The following RUVBL1 variants were observed in gnomAD, a reference collection of about 807,000 sequenced individuals.
RUVBL1 encodes the protein RuvB like AAA ATPase 1.
In RUVBL1, 4 loss-of-function variants were observed where a neutral mutation model predicts 52.4. The ratio of observed to expected loss-of-function variants is 0.08; its 90% confidence interval spans 0.04 to 0.17. The LOEUF is 0.17. RUVBL1 is among the 10% of genes least tolerant of loss of function. The pLI is 1.00. For missense variants in RUVBL1, 298 were observed against 572.8 expected (o/e 0.52, Z 4.90); for synonymous variants, 217 against 214.4 (o/e 1.01, Z -0.10).
At chr3:128,065,081 T>A in exon 10 of RUVBL1, 1 of 1,601,494 alleles carries the variant, frequency 6.2e-7, no homozygotes. Flanking sequence ...GGTCTGGATT[T>A]AAGTTTCAGA....
intron 1 of RUVBL1, among the ~76,000 whole-genome samples, chr3:128,137,877 G>A (rs1442512018): frequency 6.6e-6 from 1 of 152,152 alleles, no homozygotes; most frequent in East Asian, 1.9e-4. Flanking sequence ...GGGATGCAAG[G>A]ATGTTTCAAC....
chr3:128,068,191 A>T, intron 9 of RUVBL1: 1 of 668,550 alleles, frequency 1.5e-6, no homozygotes, highest in East Asian at 2.7e-5. Flanking sequence ...GGACAGAATT[A>T]AATGTTATAT....
At chr3:128,101,171 G>A (rs1170377472) in intron 5 of RUVBL1, among the ~76,000 whole-genome samples, 1 of 152,158 alleles carries the variant, frequency 6.6e-6, no homozygotes, top group Non-Finnish European at 1.5e-5. Flanking sequence ...GAATGCCAAC[G>A]AATGCAGCGT....
intron 1 of RUVBL1, among the ~76,000 whole-genome samples, chr3:128,152,797 A>G (rs984399111): frequency 1.5e-4 from 23 of 150,162 alleles, no homozygotes; most frequent in South Asian, 2.1e-4. Flanking sequence ...TTTATTGTGA[A>G]GAGCAAAAAG....
intron 9 of RUVBL1, among the ~76,000 whole-genome samples, chr3:128,071,871 G>C (rs1379865228): frequency 6.6e-6 from 1 of 152,226 alleles, no homozygotes; most frequent in South Asian, 2.1e-4. Context: ...TGATATGGGT[G>C]CTGGGCCACA....
chr3:128,096,827 C>CA (rs141543448), intron 8 of RUVBL1, among the ~76,000 whole-genome samples: 56 of 138,930 alleles, frequency 4.0e-4, no homozygotes, highest in East Asian at 6.3e-4. Context: ...ACTCTGTCCC[C>CA]AAAAAAAAAA....
At chr3:128,146,302 G>A (rs1478298820) in intron 1 of RUVBL1, among the ~76,000 whole-genome samples, 1 of 152,142 alleles carries the variant, frequency 6.6e-6, no homozygotes, top group East Asian at 1.9e-4. Context: ...GTGTCTCTGT[G>A]CATGTGCGTG....
Position 128,081,431 on chromosome 3 carries a change from G to A in RUVBL1, c.1212-22C>T. 6.3e-7 allele frequency: 1 copy of A among 1,599,932 alleles called. No individual in the cohort carries two copies. Among genetic ancestry groups the A allele is most frequent in the Non-Finnish European group, 8.6e-7 (1 of 1,169,360 alleles). On this transcript the variant is annotated intron_variant, in intron 10 of 10. Coordinates refer to ENST00000322623, the MANE Select transcript of RUVBL1 (RefSeq NM_003707.3). The surrounding 1 kb of genome is among the most constrained non-coding windows in gnomAD (Gnocchi z 4.8). ...GTACCTAGAGTGGACAGGGGCCAGG[G>A]CTGGAGTGAAACTGGGGCCACCGAA...
chr3:128,077,436 T>C (rs572691691), downstream of RUVBL1, among the ~76,000 whole-genome samples: 44 of 152,310 alleles, frequency 2.9e-4, no homozygotes, highest in South Asian at 9.1e-3. Flanking sequence ...GTGTGGAGAA[T>C]GAATGGATGA....
chr3:128,074,188 G>A (rs1942244356), intron 9 of RUVBL1, among the ~76,000 whole-genome samples: 1 of 152,186 alleles, frequency 6.6e-6, no homozygotes, highest in Admixed American at 6.5e-5. Flanking sequence ...ATAGGGAACA[G>A]CCTAGGTGGC....
chr3:128,100,870 C>A, intron 5 of RUVBL1, 126 bp from the exon 6 acceptor site: 1 of 1,040,660 alleles, frequency 9.6e-7, no homozygotes, highest in Non-Finnish European at 1.4e-6. Context: ...TGACAAACTC[C>A]AAATATGCCC....
rs139987235 is a variant in RUVBL1, at chr3:128,148,247, T to C, written c.-40+4956A>G. 1.2e-4 allele frequency among the ~76,000 whole-genome samples: 19 copies of C among 152,224 alleles called. No individual in the cohort carries two copies. The East Asian group carries it at 2.9e-3, about 23-fold the overall frequency. On this transcript the variant is annotated intron_variant, in intron 1 of 9. Transcript: ENST00000464873. ...AGGGTGAATTTTACTGTTGCAGTAA[T>C]CCAGGTGAAGAGATGATGGCTTAGA...
chr3:128,105,872 T>TC (rs1438848684), intron 3 of RUVBL1, among the ~76,000 whole-genome samples: 2 of 139,962 alleles, frequency 1.4e-5, no homozygotes, highest in Admixed American at 7.0e-5. Flanking sequence ...TTTCTTTTTT[T>TC]TTTTTTTTTT....
In RUVBL1 at chr3:128,145,925, C is replaced by T. The variant is rs559305760; in HGVS notation, c.-40+7278G>A. Among the ~76,000 whole-genome samples the T allele has an allele frequency of 2.6e-5, 4 of 152,288 alleles. No individual in the cohort carries two copies. In the South Asian group the frequency reaches 8.3e-4, roughly 32 times the overall value. On this transcript the variant is annotated intron_variant, in intron 1 of 9. Coordinates refer to the RUVBL1 transcript ENST00000464873. The stretch of plus-strand genomic sequence containing the variant: ...TGGAGATAACATTTATTGAGCACCA[C>T]CTATATGCACTGTGCTAAACCCAGG...
intron 9 of RUVBL1, among the ~76,000 whole-genome samples, chr3:128,073,368 G>C (rs1310509198): frequency 6.6e-6 from 1 of 152,148 alleles, no homozygotes; most frequent in Non-Finnish European, 1.5e-5. Flanking sequence ...GCCTGCTCCT[G>C]CTGAAGCCAG....
chr3:128,137,174 C>T (rs1206917682), intron 1 of RUVBL1, among the ~76,000 whole-genome samples: 1 of 151,534 alleles, frequency 6.6e-6, no homozygotes, highest in African/African-American at 2.4e-5. Flanking sequence ...AAGAACAAAC[C>T]AAATCTAAAA....
At chr3:128,153,757 C>A (rs780399817) in exon 1 of RUVBL1, 1 of 1,545,584 alleles carries the variant, frequency 6.5e-7, no homozygotes, top group South Asian at 1.2e-5. Context: ...GCCCGGCGAG[C>A]CACTGCTTCA....
At chr3:128,148,484 G>A (rs1318227085) in intron 1 of RUVBL1, among the ~76,000 whole-genome samples, 1 of 152,142 alleles carries the variant, frequency 6.6e-6, no homozygotes, top group East Asian at 1.9e-4. Flanking sequence ...ACCTTGACAT[G>A]TAAGTTTGAG....
chr3:128,134,694 G>C (rs1330016795), intron 1 of RUVBL1, among the ~76,000 whole-genome samples: 1 of 151,530 alleles, frequency 6.6e-6, no homozygotes, highest in African/African-American at 2.4e-5. Flanking sequence ...CCAGCTACTT[G>C]GGAGGCTGAA....
Sources: allele counts gnomAD v4.1 joint callset (sites outside exome capture counted in the v4.1 genomes callset), GRCh38; gene constraint gnomAD v4.1.1; non-coding constraint Gnocchi (gnomAD v3.1); transcripts MANE v1.5; gene names NCBI Gene and HGNC (gene_info 2026-07-23, HGNC 2026-07-21).